Variants in ARHGEF18 observed in about 807,000 individuals in gnomAD.
ARHGEF18 encodes the protein Rho/Rac guanine nucleotide exchange factor 18.
In ARHGEF18, 93 loss-of-function variants were observed where a neutral mutation model predicts 155.7. That is an observed-to-expected ratio of 0.60 (90% CI 0.50 to 0.71). The LOEUF is 0.71. Ranked by LOEUF, ARHGEF18 falls within the 30% of genes least tolerant of loss-of-function variation. The pLI is 0.00. For synonymous variants in ARHGEF18, 742 were observed against 753.1 expected (o/e 0.99, Z 0.24); for missense variants, 1,593 against 1,816.1 (o/e 0.88, Z 2.23).
Position 7,447,133 on chromosome 19 carries a change from C to T in ARHGEF18, c.1702C>T (p.Leu568Phe), listed in dbSNP as rs1975048712. 6 of 1,613,272 alleles carry T rather than the reference C, an allele frequency of 3.7e-6. No individual in the cohort carries two copies. The highest frequency in any genetic ancestry group is 5.1e-6 in the Non-Finnish European group (6 of 1,179,722). Residue 568 changes from leucine (L) to phenylalanine (F), a missense_variant, in exon 15 of 29, where the codon CTT (leucine) becomes TTT (phenylalanine). Leu to Phe is a conservative substitution (Grantham distance 22). Transcript: ENST00000668164. ...AGCTGTTAGTCATTACAAGTTGCTGCTTCAGCAAAACAAGAAATTTCAAAA... is the reference window on the plus strand; with the variant it reads ...AGCTGTTAGTCATTACAAGTTGCTGTTTCAGCAAAACAAGAAATTTCAAAA... ...NEAVSHYKLL[L>F]QQNKKFQNLI...
chr19:7,419,625 G>T (rs1379254519), intron 10 of ARHGEF18, among the ~76,000 whole-genome samples: 1 of 152,056 alleles, frequency 6.6e-6, no homozygotes, highest in Non-Finnish European at 1.5e-5. Flanking sequence ...TTCTCTTGAA[G>T]GGTTTCCTTT....
chr19:7,464,668 G>A lies in ARHGEF18; in HGVS notation c.2882G>A (p.Ser961Asn), dbSNP rs146350635. The A allele has an allele frequency of 5.0e-6, 8 of 1,613,936 alleles. No homozygotes were observed. In the African/African-American group the frequency reaches 6.7e-5, roughly 13 times the overall value. The change falls in exon 23 of 29, where the codon AGC becomes AAC. Residue 961 changes from serine (S) to asparagine (N), a missense_variant. By Grantham distance (46) the Ser-to-Asn change is conservative (BLOSUM62 1). Transcript: ENST00000668164. Reference protein sequence around the residue: ...LKLSDSDIPGSSEESPQVVEA... With the variant: ...LKLSDSDIPGNSEESPQVVEA... ...CTCAGTGACAGTGACATTCCTGGGA[G>A]CTCTGAGGAATCGCCGCAGGTGGTA...
Position 7,458,491 on chromosome 19 carries a change from C to T in ARHGEF18, c.2182-21C>T, listed in dbSNP as rs1214428584. The T allele has an allele frequency of 3.7e-6, 6 of 1,609,616 alleles. No individual in the cohort carries two copies. The Admixed American group carries it at 1.0e-4, about 27-fold the overall frequency. On this transcript the variant is annotated intron_variant, in intron 18 of 28. Transcript: ENST00000668164. ...GCTGTGGGGTAAAGGGTGACCTCCC[C>T]AATGCCCTCTACTCATGCAGGACTC... is the stretch of plus-strand genomic sequence containing the variant.
rs1348219376 is a variant in ARHGEF18 at position 7,463,844 on chromosome 19, A to G, written c.2662A>G (p.Arg888Gly). 1.2e-6 allele frequency: 2 copies of G among 1,606,632 alleles called. No individual in the cohort carries two copies. Among genetic ancestry groups the G allele is most frequent in the Non-Finnish European group, 1.7e-6 (2 of 1,177,112 alleles). ...CGAGGGCATCCAGAGCCTGATCTGC[A>G]GGCAGCTGGGCAGCGCCAACGGCCA... ...EIEGIQSLIC[R>G]QLGSANGQAE... The change falls in exon 22 of 29, where the codon AGG becomes GGG. Residue 888 changes from arginine (R) to glycine (G), a missense_variant. Transcript: ENST00000668164. This position sits in a 1 kb window ranked among gnomAD's most constrained non-coding sequence, Gnocchi z 5.2.
intron 20 of ARHGEF18, among the ~76,000 whole-genome samples, chr19:7,461,260 A>G (rs1315876065): frequency 6.6e-6 from 1 of 151,940 alleles, no homozygotes; most frequent in African/African-American, 2.4e-5. Flanking sequence ...AAAAAATTTA[A>G]AAATTAGGCT....
chr19:7,454,169 C>G (rs1975684354), intron 17 of ARHGEF18, among the ~76,000 whole-genome samples: 1 of 148,140 alleles, frequency 6.8e-6, no homozygotes, highest in Admixed American at 6.7e-5. Flanking sequence ...TGGGCACCCT[C>G]TTGGAGTGGT....
chr19:7,464,652 A>G lies in ARHGEF18; in HGVS notation c.2866A>G (p.Ser956Gly), dbSNP rs202001420. The G allele has an allele frequency of 9.3e-6, 15 of 1,614,050 alleles. No homozygotes were observed. In the Middle Eastern group the frequency reaches 5.0e-4, roughly 53 times the overall value. The change falls in exon 23 of 29, where the codon AGT (serine) becomes GGT (glycine). Residue 956 changes from serine (S) to glycine (G), a missense_variant. Ser to Gly is a moderately conservative substitution (Grantham distance 56, BLOSUM62 0). Transcript: ENST00000668164. ...PNSPDLKLSD[S>G]DIPGSSEESP... The stretch of plus-strand genomic sequence containing the variant: ...CAGCCCGGACTTGAAGCTCAGTGAC[A>G]GTGACATTCCTGGGAGCTCTGAGGA...
chr19:7,363,590 T>C (rs1049868233), intron 2 of ARHGEF18, among the ~76,000 whole-genome samples: 2 of 148,064 alleles, frequency 1.4e-5, no homozygotes, highest in African/African-American at 5.0e-5. Flanking sequence ...AAATGAAAGA[T>C]GGAAGGAAGG....
intron 11 of ARHGEF18, among the ~76,000 whole-genome samples, chr19:7,441,392 C>T (rs1974636318): frequency 6.6e-6 from 1 of 152,040 alleles, no homozygotes; most frequent in African/African-American, 2.4e-5. Flanking sequence ...GTTGGGCGAG[C>T]TGGTCTCGAA....
At chr19:7,402,611 G>T (rs1346688420) in intron 10 of ARHGEF18, among the ~76,000 whole-genome samples, 1 of 152,138 alleles carries the variant, frequency 6.6e-6, no homozygotes, top group Non-Finnish European at 1.5e-5. Flanking sequence ...CAATGGGACA[G>T]AATTTTAAGG....
rs980933445 is a variant in ARHGEF18, at chr19:7,471,201, G to A, written c.*903G>A. 2.1e-5 allele frequency: 4 copies of A among 189,502 alleles called. No individual in the cohort carries two copies. Among genetic ancestry groups the A allele is most frequent in the Non-Finnish European group, 3.2e-5 (3 of 93,108 alleles). The allele number at this position is 189,502 out of a possible 1,614,324, so 11.7% of individuals were successfully genotyped here. On this transcript the variant is annotated 3_prime_UTR_variant, in exon 29 of 29. Transcript: ENST00000668164. This position sits in a 1 kb window ranked among gnomAD's most constrained non-coding sequence, Gnocchi z 4.4. ...GGGCTGGCGTCCCACCTTCCAGGTG[G>A]GGGCTGGCACATCACAGACTGTCGA...
chr19:7,429,527 C>T (rs923302898), intron 10 of ARHGEF18, among the ~76,000 whole-genome samples: 1 of 152,084 alleles, frequency 6.6e-6, no homozygotes, highest in African/African-American at 2.4e-5. Flanking sequence ...TGCTTGAACC[C>T]GGGAGGCGGA....
rs765492825 is a variant in ARHGEF18 at position 7,458,481 on chromosome 19, G to A, written c.2182-31G>A. 4 of 1,601,676 alleles carry A rather than the reference G, an allele frequency of 2.5e-6. No individual in the cohort carries two copies. In the African/African-American group the frequency reaches 4.0e-5, roughly 16 times the overall value. On this transcript the variant is annotated intron_variant, in intron 18 of 28. Coordinates refer to ENST00000668164, the MANE Select transcript of ARHGEF18 (RefSeq NM_001367823.1). ...CTGTTTGGGTGCTGTGGGGTAAAGGGTGACCTCCCCAATGCCCTCTACTCA... is the reference window on the plus strand; with the variant it reads ...CTGTTTGGGTGCTGTGGGGTAAAGGATGACCTCCCCAATGCCCTCTACTCA...
chr19:7,398,163 C>T (rs542297296), intron 10 of ARHGEF18, among the ~76,000 whole-genome samples: 4 of 152,220 alleles, frequency 2.6e-5, no homozygotes, highest in Admixed American at 2.6e-4. Context: ...ACCTCCGCCT[C>T]CCAAGTTTAA....
intron 13 of ARHGEF18, among the ~76,000 whole-genome samples, chr19:7,443,371 T>C (rs1046255160): frequency 6.6e-5 from 10 of 152,244 alleles, no homozygotes; most frequent in African/African-American, 2.4e-4. Context: ...GGCTCATTTT[T>C]TTATTTTTTG....
chr19:7,362,283 AGAGGAG>A (rs151252932), intron 1 of ARHGEF18, among the ~76,000 whole-genome samples: 3 of 150,956 alleles, frequency 2.0e-5, no homozygotes, highest in Admixed American at 6.6e-5. Context: ...AAGGAGAAGA[AGAGGAG>A]GAGGAAGAAG....
In ARHGEF18 at chr19:7,440,805, C is replaced by G. The variant is rs188358798; in HGVS notation, c.1106+323C>G. Among the ~76,000 whole-genome samples, 450 of 152,174 alleles carry G rather than the reference C, an allele frequency of 3.0e-3. 5 individuals are homozygous for G. The highest frequency in any genetic ancestry group is 2.7e-3 in the Non-Finnish European group (181 of 67,998). On this transcript the variant is annotated intron_variant, in intron 11 of 28. Transcript: ENST00000668164. The surrounding 1 kb of genome is among the most constrained non-coding windows in gnomAD (Gnocchi z 5.4). Reference sequence around the variant, plus strand: ...AGTCCTGCTGGGTGTGTGGAGGCGGCGTCCCATTATCTGTGCCTTACCTCG... The same window carrying G: ...AGTCCTGCTGGGTGTGTGGAGGCGGGGTCCCATTATCTGTGCCTTACCTCG...
At chr19:7,478,219 C>G in the ARHGEF18 span, 2 of 1,354,116 alleles carry the variant, frequency 1.5e-6, no homozygotes, top group Admixed American at 2.0e-5. Flanking sequence ...GCACAACAGT[C>G]CCCAGCATGG....
In ARHGEF18 at chr19:7,462,213, C is replaced by T. The variant is rs765885295; in HGVS notation, c.2514C>T (p.Tyr838=). 6 of 1,613,904 alleles carry T rather than the reference C, an allele frequency of 3.7e-6. No individual in the cohort carries two copies. Among genetic ancestry groups the T allele is most frequent in the Non-Finnish European group, 4.2e-6 (5 of 1,180,036 alleles). ...GCCTCCTAGAGAAACAGCAGATCTA[C>T]CTGGAGATGGCCGAGATGGGCGGCC... is the stretch of plus-strand genomic sequence containing the variant. ...AQSLLEKQQI[Y]LEMAEMGGLE... The change falls in exon 21 of 29, where the codon TAC becomes TAT. Residue 838 remains tyrosine, a synonymous_variant. Transcript: ENST00000668164. The surrounding 1 kb of genome is among the most constrained non-coding windows in gnomAD (Gnocchi z 4.4).
Sources: gnomAD v4.1 joint callset for allele counts (sites outside exome capture counted in the v4.1 genomes callset) on GRCh38, gnomAD v4.1.1 for gene constraint, Gnocchi (gnomAD v3.1) non-coding constraint, MANE v1.5 for transcripts, NCBI Gene and HGNC (gene_info 2026-07-23, HGNC 2026-07-21) for gene names.